The following CEP112 variants were observed in gnomAD, a reference collection of about 807,000 sequenced individuals.
The protein encoded by CEP112 is centrosomal protein 112, also known as centrosomal protein of 112 kDa.
A neutral mutation model predicts 153.0 loss-of-function variants in CEP112; 127 were observed. That is an observed-to-expected ratio of 0.83 (90% CI 0.72 to 0.96). The LOEUF is 0.96. CEP112 is among the 40% of genes least tolerant of loss of function. The probability of loss-of-function intolerance (pLI) is 0.00; values close to 1 mark genes in which losing one functional copy is unlikely to be tolerated. For missense variants in CEP112, 1,089 were observed against 1,101.2 expected (o/e 0.99, Z 0.16); for synonymous variants, 358 against 374.4 (o/e 0.96, Z 0.51).
At chr17:65,875,941 A>AACT (rs1371314531) in intron 20 of CEP112, among the ~76,000 whole-genome samples, 1 of 152,202 alleles carries the variant, frequency 6.6e-6, no homozygotes, top group Non-Finnish European at 1.5e-5. Context: ...TATGTTACAT[A>AACT]ACTACACCTT....
chr17:65,873,465 G>A (rs1455316330), intron 20 of CEP112: 2 of 152,022 alleles, frequency 1.3e-5, no homozygotes, highest in African/African-American at 2.4e-5. Flanking sequence ...CCCATCATCT[G>A]ACTCTCCTAA....
chr17:65,806,463 G>A (rs1375798107), intron 21 of CEP112, among the ~76,000 whole-genome samples: 1 of 152,210 alleles, frequency 6.6e-6, no homozygotes, highest in African/African-American at 2.4e-5. Flanking sequence ...CGTAAGAGGT[G>A]ATTAGATCAT....
intron 19 of CEP112, among the ~76,000 whole-genome samples, chr17:65,911,741 T>C (rs1244760589): frequency 6.6e-6 from 1 of 152,194 alleles, no homozygotes; most frequent in African/African-American, 2.4e-5. Flanking sequence ...TCACATATAA[T>C]TTAATATTTT....
intron 23 of CEP112, 137 bp downstream of exon 23, chr17:65,742,931 T>C (rs1333558319): frequency 1.6e-6 from 1 of 612,796 alleles, no homozygotes; most frequent in Non-Finnish European, 2.7e-6. Context: ...AAAGGTAGAG[T>C]CCAGTGAATG....
chr17:66,151,957 G>T (rs2071228921), intron 4 of CEP112, among the ~76,000 whole-genome samples: 1 of 152,108 alleles, frequency 6.6e-6, no homozygotes, highest in African/African-American at 2.4e-5. Context: ...AAGATTTAGA[G>T]TAATTTGTAA....
At position 65,643,300 on chromosome 17, in the gene CEP112, A is replaced by AT. The variant is rs144510596; in HGVS notation, c.2698-2236dup. 3.3e-3 allele frequency among the ~76,000 whole-genome samples: 497 copies of AT among 150,350 alleles called. 8 individuals are homozygous for AT. Among genetic ancestry groups the AT allele is most frequent in the African/African-American group, 0.011 (444 of 40,890 alleles). On this transcript the variant is annotated intron_variant, in intron 24 of 26. Transcript: ENST00000535342. ...GCCTCAGGGATGGTGAATCCCTGGT[A>AT]TTTTTTTTTTCTTTTGAGATGGCAT...
chr17:65,711,062 CTT>C (rs1755714616), intron 23 of CEP112, among the ~76,000 whole-genome samples: 2 of 152,218 alleles, frequency 1.3e-5, no homozygotes, highest in Admixed American at 1.3e-4. Context: ...TGGAGCTTCA[CTT>C]TCTCTCTAGC....
chr17:66,094,401 G>A (rs1051825387), intron 8 of CEP112, among the ~76,000 whole-genome samples: 1 of 152,146 alleles, frequency 6.6e-6, no homozygotes, highest in African/African-American at 2.4e-5. Context: ...ACACACAATG[G>A]GGAAAGACAG....
chr17:65,647,623 C>T (rs62065700), intron 24 of CEP112, among the ~76,000 whole-genome samples: 1,652 of 149,334 alleles, frequency 0.011, 13 homozygotes, highest in African/African-American at 0.018. Flanking sequence ...ACTACAGGTG[C>T]GTGCCACCAT....
intron 20 of CEP112, among the ~76,000 whole-genome samples, chr17:65,878,388 A>G (rs550437237): frequency 1.3e-5 from 2 of 152,294 alleles, no homozygotes; most frequent in South Asian, 4.1e-4. Context: ...AAGCAAATAT[A>G]CACATTTTTT....
chr17:65,810,548 C>A (rs2055888791), intron 21 of CEP112, among the ~76,000 whole-genome samples: 1 of 151,902 alleles, frequency 6.6e-6, no homozygotes, highest in Non-Finnish European at 1.5e-5. Flanking sequence ...TGATAACTAA[C>A]CAGTTTAGAT....
At chr17:65,786,572 C>CTTT (rs1195368604) in intron 21 of CEP112, among the ~76,000 whole-genome samples, 13 of 101,622 alleles carry the variant, frequency 1.3e-4, no homozygotes, top group East Asian at 2.9e-4. Flanking sequence ...TTAGCCAATT[C>CTTT]TTTTTTTTTT....
At chr17:65,858,098 T>A (rs1413846409) in intron 20 of CEP112, among the ~76,000 whole-genome samples, 1 of 152,238 alleles carries the variant, frequency 6.6e-6, no homozygotes, top group Non-Finnish European at 1.5e-5. Context: ...TATACATTAT[T>A]GGACTTGATT....
Position 66,034,974 on chromosome 17 carries a change from A to ATGTGTGTGTGTGTGTG in CEP112, c.1219-4952_1219-4951insCACACACACACACACA, listed in dbSNP as rs1568411223. Among the ~76,000 whole-genome samples the ATGTGTGTGTGTGTGTG allele has an allele frequency of 6.6e-3, 240 of 36,520 alleles. 1 individual carries two copies. The highest frequency in any genetic ancestry group is 0.024 in the Middle Eastern group (2 of 84). 24.0% of individuals were successfully genotyped at this position (36,520 alleles called of 152,430 possible). On this transcript the variant is annotated intron_variant, in intron 12 of 26. Transcript: ENST00000535342. ...CCACCATGCCCAGCTAAGTTTTTGCATGTATATATATATATATACATATAT... is the reference window on the plus strand; with the variant it reads ...CCACCATGCCCAGCTAAGTTTTTGCATGTGTGTGTGTGTGTGTGTATATATATATATATACATATAT...
At chr17:65,843,539 A>G in intron 21 of CEP112, among the ~76,000 whole-genome samples, 1 of 152,212 alleles carries the variant, frequency 6.6e-6, no homozygotes, top group East Asian at 1.9e-4. Flanking sequence ...ATAAGTTAAT[A>G]TTAATCCTTT....
chr17:65,951,073 C>G (rs908987000), intron 18 of CEP112, among the ~76,000 whole-genome samples: 3 of 151,996 alleles, frequency 2.0e-5, no homozygotes, highest in Non-Finnish European at 4.4e-5. Context: ...ATCTTGGATT[C>G]CTGCGACAAA....
intron 18 of CEP112, among the ~76,000 whole-genome samples, chr17:65,949,986 C>T (rs62063112): frequency 0.011 from 1,659 of 152,206 alleles, 17 homozygotes; most frequent in Non-Finnish European, 0.019. Flanking sequence ...TAAATAACAT[C>T]ACAATACACA....
chr17:65,959,028 C>A (rs906492866), intron 18 of CEP112, among the ~76,000 whole-genome samples: 1 of 151,910 alleles, frequency 6.6e-6, no homozygotes, highest in Non-Finnish European at 1.5e-5. Flanking sequence ...GATGTCAGGA[C>A]AACCAGCTGC....
At chr17:65,999,838 G>C (rs11868930) in intron 17 of CEP112, among the ~76,000 whole-genome samples, 1 of 151,804 alleles carries the variant, frequency 6.6e-6, no homozygotes, top group Non-Finnish European at 1.5e-5. Flanking sequence ...TTCTGTTCCC[G>C]CATTAGTTTG....
Sources: gnomAD v4.1 joint callset for allele counts (sites outside exome capture counted in the v4.1 genomes callset) on GRCh38, gnomAD v4.1.1 for gene constraint, MANE v1.5 for transcripts, NCBI Gene and HGNC (gene_info 2026-07-23, HGNC 2026-07-21) for gene names.